Variants in TRPM1 observed in about 807,000 individuals in gnomAD.
TRPM1 encodes transient receptor potential cation channel subfamily M member 1, also known as TRPM1-203 APA Isoform, Intron 10.
In TRPM1, 113 loss-of-function variants were observed where a neutral mutation model predicts 149.4. That is an observed-to-expected ratio of 0.76 (90% CI 0.65 to 0.88). The LOEUF (loss-of-function observed/expected upper bound fraction) is 0.88. Ranked by LOEUF, TRPM1 falls within the 40% of genes least tolerant of loss-of-function variation. TRPM1 has a pLI of 0.00. For synonymous variants in TRPM1, 741 were observed against 759.5 expected (o/e 0.98, Z 0.40); for missense variants, 1,976 against 2,038.7 (o/e 0.97, Z 0.59).
intron 1 of TRPM1, among the ~76,000 whole-genome samples, chr15:31,113,109 C>T (rs967320374): frequency 1.3e-5 from 2 of 152,138 alleles, no homozygotes; most frequent in African/African-American, 4.8e-5. Flanking sequence ...GCTGTCTTGG[C>T]TTTAGGTAGC....
At chr15:31,069,967 T>C (rs1348089596) in intron 4 of TRPM1, 64 bp downstream of exon 4, 2 of 1,613,798 alleles carry the variant, frequency 1.2e-6, no homozygotes, top group Admixed American at 3.3e-5. Flanking sequence ...AGTTTGGGGC[T>C]GGGAGACTGG....
At chr15:31,159,109 C>T (rs998383104) in intron 1 of TRPM1, among the ~76,000 whole-genome samples, 3 of 152,018 alleles carry the variant, frequency 2.0e-5, no homozygotes, top group African/African-American at 4.8e-5. Flanking sequence ...AGGTCACCTT[C>T]GTCCTTGGGC....
At chr15:31,117,451 A>C (rs925737503) in intron 1 of TRPM1, among the ~76,000 whole-genome samples, 32 of 152,074 alleles carry the variant, frequency 2.1e-4, no homozygotes, top group African/African-American at 7.2e-4. Context: ...GTGCCACTGC[A>C]CTCCAGCCTG....
chr15:31,147,265 C>G (rs2036235100), intron 1 of TRPM1, among the ~76,000 whole-genome samples: 1 of 152,196 alleles, frequency 6.6e-6, no homozygotes. Context: ...ACACGTTTAT[C>G]TTTATTAAAG....
chr15:31,001,739 A>G lies in TRPM1; in HGVS notation c.*83T>C, dbSNP rs2031768059. 5 of 1,462,330 alleles carry G rather than the reference A, an allele frequency of 3.4e-6. No individual in the cohort carries two copies. The South Asian group carries it at 6.3e-5, about 18-fold the overall frequency. The allele number at this position is 1,462,330 out of a possible 1,614,324, so 90.6% of individuals were successfully genotyped here. The stretch of plus-strand genomic sequence containing the variant: ...AATTTTTTAAGGAAAATGTTTTTAG[A>G]AATTGATGATGTTTAGATGGCCAAG... On this transcript the variant is annotated 3_prime_UTR_variant, in exon 28 of 28. Transcript: ENST00000256552.
chr15:31,148,006 A>AC (rs2036244187), intron 1 of TRPM1, among the ~76,000 whole-genome samples: 1 of 152,114 alleles, frequency 6.6e-6, no homozygotes, highest in African/African-American at 2.4e-5. Context: ...AACAAAACAA[A>AC]CAAAAAAACA....
chr15:31,072,741 G>A (rs532884140), intron 3 of TRPM1, among the ~76,000 whole-genome samples: 24 of 152,088 alleles, frequency 1.6e-4, no homozygotes, highest in African/African-American at 5.3e-4. Context: ...TTATCATCAT[G>A]GTTTTGATTT....
intron 1 of TRPM1, among the ~76,000 whole-genome samples, chr15:31,113,504 G>A (rs748418039): frequency 2.0e-5 from 3 of 151,936 alleles, no homozygotes; most frequent in Admixed American, 6.6e-5. Context: ...GACAGTGACT[G>A]AGAATTTTCC....
intron 1 of TRPM1, among the ~76,000 whole-genome samples, chr15:31,141,856 A>T (rs1007811131): frequency 6.6e-6 from 1 of 152,202 alleles, no homozygotes; most frequent in African/African-American, 2.4e-5. Flanking sequence ...GGAATAGAAA[A>T]TACCTTCTTT....
At chr15:31,060,440 C>T in intron 11 of TRPM1, 104 bp downstream of exon 11, 1 of 937,310 alleles carries the variant, frequency 1.1e-6, no homozygotes. Flanking sequence ...TCATCAGAAA[C>T]CCCACATAAT....
intron 1 of TRPM1, among the ~76,000 whole-genome samples, chr15:31,140,977 G>A (rs867213475): frequency 3.3e-5 from 5 of 151,564 alleles, no homozygotes; most frequent in Non-Finnish European, 5.9e-5. Flanking sequence ...GCGTACCACT[G>A]CATCCAGCTA....
chr15:31,145,765 G>A (rs1025065252), intron 1 of TRPM1, among the ~76,000 whole-genome samples: 3 of 152,142 alleles, frequency 2.0e-5, no homozygotes. Flanking sequence ...CTCAAAATGT[G>A]TAGAGGACTC....
intron 1 of TRPM1, among the ~76,000 whole-genome samples, chr15:31,148,048 G>A (rs1022818144): frequency 6.6e-6 from 1 of 152,208 alleles, no homozygotes; most frequent in African/African-American, 2.4e-5. Flanking sequence ...GCTGCGAAGA[G>A]AGAGGTCAAG....
intron 1 of TRPM1, among the ~76,000 whole-genome samples, chr15:31,113,786 T>G (rs908422374): frequency 6.6e-6 from 1 of 152,114 alleles, no homozygotes; most frequent in Admixed American, 6.5e-5. Flanking sequence ...CTCTTAAAGG[T>G]GGCAAGGACC....
chr15:31,121,827 A>G (rs538106532), intron 1 of TRPM1, among the ~76,000 whole-genome samples: 2 of 152,200 alleles, frequency 1.3e-5, no homozygotes, highest in Non-Finnish European at 2.9e-5. Context: ...TGAGGCCAGC[A>G]TTTCCCTAAT....
Position 31,002,048 on chromosome 15 carries a change from T to C in TRPM1, c.4652A>G (p.Asn1551Ser), listed in dbSNP as rs2031786575. The C allele has an allele frequency of 6.2e-7, 1 of 1,614,110 alleles. No individual in the cohort carries two copies. Among genetic ancestry groups the C allele is most frequent in the African/African-American group, 1.3e-5 (1 of 74,940 alleles). ...CACAGACAGTAAGTTTTCCATCCCA[T>C]TTCTGTCAGTAATGGTTAGGGACAA... The part of the protein sequence containing the change: ...PRLSLTITDR[N>S]GMENLLSVKP... The change falls in exon 28 of 28, where the codon AAT (asparagine) becomes AGT (serine). Residue 1551 changes from asparagine to serine, a missense_variant. Around this residue, in one of 3 missense-constraint regions of TRPM1, gnomAD observed 572 missense variants for 578.9 expected, o/e 0.99. Coordinates refer to ENST00000256552, the MANE Select transcript of TRPM1 (RefSeq NM_001252024.2).
At chr15:31,124,364 C>A (rs191125850) in intron 1 of TRPM1, among the ~76,000 whole-genome samples, 113 of 152,196 alleles carry the variant, frequency 7.4e-4, no homozygotes, top group African/African-American at 2.7e-3. Context: ...TCAAAGAAAT[C>A]AATCTGAGGC....
intron 2 of TRPM1, among the ~76,000 whole-genome samples, chr15:31,079,975 T>A (rs1462994236): frequency 6.6e-6 from 1 of 152,102 alleles, no homozygotes. Context: ...TTGAAGGGGC[T>A]CCCAGTGGCT....
intron 1 of TRPM1, among the ~76,000 whole-genome samples, chr15:31,092,203 G>A (rs971967407): frequency 1.3e-5 from 2 of 152,138 alleles, no homozygotes; most frequent in Admixed American, 6.5e-5. Flanking sequence ...CTTGGGAGTG[G>A]GAACAGCAGG....
Sources: allele counts gnomAD v4.1 joint callset (sites outside exome capture counted in the v4.1 genomes callset), GRCh38; gene constraint gnomAD v4.1.1; regional missense constraint gnomAD v4.1.1; transcripts MANE v1.5; gene names NCBI Gene and HGNC (gene_info 2026-07-23, HGNC 2026-07-21).